Variants in DPP10 observed in about 807,000 individuals in gnomAD.
DPP10 encodes inactive dipeptidyl peptidase 10.
In DPP10, 33 loss-of-function variants were observed where a neutral mutation model predicts 120.9. That is an observed-to-expected ratio of 0.27 (90% CI 0.21 to 0.37). The LOEUF is 0.37. Ranked by LOEUF, DPP10 falls within the 10% of genes least tolerant of loss-of-function variation. The pLI is 1.00. For missense variants in DPP10, 816 were observed against 942.8 expected, an observed-to-expected ratio of 0.87 and a Z score of 1.76; for synonymous variants, 337 against 326.1, an observed-to-expected ratio of 1.03 and a Z score of -0.36.
intron 1 of DPP10, among the ~76,000 whole-genome samples, chr2:114,497,322 T>TAC (rs1682713815): frequency 4.8e-5 from 1 of 21,034 alleles, no homozygotes; most frequent in African/African-American, 1.4e-4. Flanking sequence ...TGTACATGTA[T>TAC]ACGTGTATAC....
At chr2:114,767,737 G>A (rs1317796577) in intron 1 of DPP10, among the ~76,000 whole-genome samples, 6 of 152,166 alleles carry the variant, frequency 3.9e-5, no homozygotes, top group Non-Finnish European at 7.3e-5. Flanking sequence ...TACTCACCAT[G>A]TGATTCCAGG....
intron 5 of DPP10, among the ~76,000 whole-genome samples, chr2:115,545,727 A>T (rs1325764348): frequency 6.6e-6 from 1 of 152,142 alleles, no homozygotes; most frequent in Non-Finnish European, 1.5e-5. Context: ...GGGCTCATAA[A>T]TCCTCAAATC....
intron 5 of DPP10, among the ~76,000 whole-genome samples, chr2:115,556,396 G>A (rs555139133): frequency 6.9e-5 from 9 of 129,548 alleles, no homozygotes; most frequent in East Asian, 4.4e-4. Flanking sequence ...ATCAGCTATC[G>A]TTAGTGTTAG....
intron 5 of DPP10, among the ~76,000 whole-genome samples, chr2:115,650,952 CCTCAAGTGATCT>C (rs2087717856): frequency 6.6e-6 from 1 of 152,014 alleles, no homozygotes; most frequent in Non-Finnish European, 1.5e-5. Flanking sequence ...TCAAGACTCA[CCTCAAGTGATCT>C]CTCCTCTTCA....
chr2:115,228,736 C>T (rs2057577280), intron 1 of DPP10, among the ~76,000 whole-genome samples: 1 of 152,094 alleles, frequency 6.6e-6, no homozygotes, highest in Non-Finnish European at 1.5e-5. Context: ...GGATAGTATT[C>T]CATTGTGTAT....
chr2:115,682,768 A>T (rs1243910668), intron 5 of DPP10, among the ~76,000 whole-genome samples: 1 of 151,936 alleles, frequency 6.6e-6, no homozygotes, highest in East Asian at 1.9e-4. Context: ...AGTAAAATAA[A>T]TATATCAAAT....
At chr2:114,666,865 C>T (rs971950351) in intron 1 of DPP10, among the ~76,000 whole-genome samples, 12 of 152,180 alleles carry the variant, frequency 7.9e-5, no homozygotes, top group Non-Finnish European at 1.8e-4. Context: ...TTTTATATGT[C>T]TTAATCGTAA....
At chr2:115,249,040 A>G (rs1209088763) in intron 1 of DPP10, among the ~76,000 whole-genome samples, 1 of 152,148 alleles carries the variant, frequency 6.6e-6, no homozygotes, top group Non-Finnish European at 1.5e-5. Flanking sequence ...GAATTGAGCA[A>G]TGATTTTTGA....
At chr2:115,577,439 C>CT (rs2081744691) in intron 5 of DPP10, among the ~76,000 whole-genome samples, 1 of 152,012 alleles carries the variant, frequency 6.6e-6, no homozygotes, top group Admixed American at 6.6e-5. Flanking sequence ...ATTAATGGAG[C>CT]CTCTCTCAGA....
chr2:115,250,824 G>A (rs1378846581), intron 1 of DPP10, among the ~76,000 whole-genome samples: 1 of 152,062 alleles, frequency 6.6e-6, no homozygotes, highest in African/African-American at 2.4e-5. Context: ...GTAGTAACTT[G>A]CTATTTCAAA....
At chr2:115,396,181 A>G (rs1270116409) in intron 3 of DPP10, among the ~76,000 whole-genome samples, 1 of 152,124 alleles carries the variant, frequency 6.6e-6, no homozygotes, top group Non-Finnish European at 1.5e-5. Flanking sequence ...CTTGATTATT[A>G]CTGATGTGGA....
intron 1 of DPP10, among the ~76,000 whole-genome samples, chr2:115,114,453 A>G (rs1414704521): frequency 6.6e-6 from 1 of 152,204 alleles, no homozygotes; most frequent in East Asian, 1.9e-4. Flanking sequence ...GAATCCATTT[A>G]AAACAGTAAA....
At chr2:115,589,892 C>T (rs946438747) in intron 5 of DPP10, among the ~76,000 whole-genome samples, 3 of 152,082 alleles carry the variant, frequency 2.0e-5, no homozygotes, top group African/African-American at 7.2e-5. Context: ...TCATGCATAT[C>T]GGTATCTATA....
chr2:115,357,626 G>A (rs1376713744), intron 3 of DPP10, among the ~76,000 whole-genome samples: 1 of 152,116 alleles, frequency 6.6e-6, no homozygotes, highest in Non-Finnish European at 1.5e-5. Context: ...AGGATGGTGG[G>A]CCCCTTCTCA....
At chr2:115,210,839 A>G (rs1389159431) in intron 1 of DPP10, among the ~76,000 whole-genome samples, 1 of 152,088 alleles carries the variant, frequency 6.6e-6, no homozygotes, top group East Asian at 1.9e-4. Context: ...GTCTGTTCAT[A>G]TCCTTCGCCC....
chr2:115,526,408 T>C (rs2078137416), intron 5 of DPP10: 1 of 152,904 alleles, frequency 6.5e-6, no homozygotes, highest in African/African-American at 2.4e-5. Context: ...GGTCAAGGGA[T>C]TCTTTACTGG....
intron 1 of DPP10, among the ~76,000 whole-genome samples, chr2:115,057,146 T>G (rs1481537687): frequency 1.3e-5 from 2 of 152,246 alleles, no homozygotes; most frequent in African/African-American, 4.8e-5. Flanking sequence ...TGCTATTTCC[T>G]GCTCAGCCCT....
intron 1 of DPP10, among the ~76,000 whole-genome samples, chr2:115,296,279 G>A (rs1169294294): frequency 1.3e-5 from 2 of 152,000 alleles, no homozygotes; most frequent in East Asian, 1.9e-4. Context: ...TCTAAAGGTC[G>A]GTGGTGTTAC....
intron 1 of DPP10, among the ~76,000 whole-genome samples, chr2:115,076,392 T>C (rs1211571329): frequency 6.7e-6 from 1 of 150,356 alleles, no homozygotes; most frequent in Non-Finnish European, 1.5e-5. Context: ...TTTTTTAGAC[T>C]GAAGGACTCC....
Sources: allele counts gnomAD v4.1 joint callset (sites outside exome capture counted in the v4.1 genomes callset), GRCh38; gene constraint gnomAD v4.1.1; transcripts MANE v1.5; gene names NCBI Gene and HGNC (gene_info 2026-07-23, HGNC 2026-07-21).